ARHGAP5: variants seen among roughly 807,000 people sequenced by gnomAD.
ARHGAP5 encodes the protein Rho GTPase activating protein 5.
ARHGAP5 carries 23 observed loss-of-function variants against 116.6 expected under a neutral mutation model. That is an observed-to-expected ratio of 0.20 (90% CI 0.14 to 0.28). The LOEUF is 0.28. ARHGAP5 is among the 10% of genes least tolerant of loss of function. The pLI is 1.00. For synonymous variants in ARHGAP5, 574 were observed against 602.0 expected, an observed-to-expected ratio of 0.95 and a Z score of 0.68; for missense variants, 1,405 against 1,774.8, an observed-to-expected ratio of 0.79 and a Z score of 3.74.
chr14:32,093,665 A>G lies in ARHGAP5; in HGVS notation c.2996A>G (p.Gln999Arg). 6.2e-7 allele frequency: 1 copy of G among 1,614,026 alleles called. No homozygotes were observed. The highest frequency in any genetic ancestry group is 8.5e-7 in the Non-Finnish European group (1 of 1,179,922). ...TATAGTCCAATTGGGGATGATGTAC[A>G]GTTGCTTCCAACACCTAGTGACCGT... is the stretch of plus-strand genomic sequence containing the variant. ...PPYSPIGDDV[Q>R]LLPTPSDRSR... The change falls in exon 2 of 7, where the codon CAG becomes CGG. Residue 999 changes from glutamine to arginine, a missense_variant. Gln to Arg is a conservative substitution (Grantham distance 43). Coordinates refer to ENST00000345122, the MANE Select transcript of ARHGAP5 (RefSeq NM_001030055.2).
chr14:32,128,141 C>T (rs1432931025), intron 3 of ARHGAP5, among the ~76,000 whole-genome samples: 16 of 149,636 alleles, frequency 1.1e-4, no homozygotes, highest in East Asian at 6.1e-4. Flanking sequence ...CAGGCAGAGA[C>T]GCTTCTCACT....
chr14:32,112,643 C>T (rs1254249486), intron 2 of ARHGAP5, among the ~76,000 whole-genome samples: 1 of 152,100 alleles, frequency 6.6e-6, no homozygotes, highest in East Asian at 1.9e-4. Flanking sequence ...GAGGCCAAGG[C>T]GGGCAGATTA....
intron 2 of ARHGAP5, among the ~76,000 whole-genome samples, chr14:32,115,129 A>G (rs965143305): frequency 1.3e-5 from 2 of 152,228 alleles, no homozygotes; most frequent in African/African-American, 4.8e-5. Context: ...GGATGTGCAC[A>G]GTAGAGTCAT....
chr14:32,114,576 C>T lies in ARHGAP5; in HGVS notation c.3718-2564C>T, dbSNP rs576882907. ...CCAGAAACAGACACTCCAATGCCCC[C>T]TTGATAACATTCCAGACACCTAGTT... On this transcript the variant is annotated intron_variant, in intron 2 of 6. Transcript: ENST00000345122. Among the ~76,000 whole-genome samples the T allele has an allele frequency of 5.9e-5, 9 of 152,286 alleles. No homozygotes were observed. In the South Asian group the frequency reaches 1.9e-3, roughly 32 times the overall value.
chr14:32,091,195 C>A lies in ARHGAP5; in HGVS notation c.526C>A (p.Gln176Lys). The change falls in exon 2 of 7, where the codon CAA becomes AAA. Residue 176 changes from glutamine (Q) to lysine (K), a missense_variant. Around this residue, in one of 6 missense-constraint regions of ARHGAP5, gnomAD observed 190 missense variants for 314.9 expected, o/e 0.60. Coordinates refer to ENST00000345122, the MANE Select transcript of ARHGAP5 (RefSeq NM_001030055.2). Reference sequence around the variant, plus strand: ...AGGATGCAATAGGAAGTTTGATGATCAACTTAAATTTGTGAATAACCTTTT... The same window carrying A: ...AGGATGCAATAGGAAGTTTGATGATAAACTTAAATTTGTGAATAACCTTTT... Reference protein sequence around the residue: ...SQGCNRKFDDQLKFVNNLFVQ... With the variant: ...SQGCNRKFDDKLKFVNNLFVQ... 1.9e-6 allele frequency: 3 copies of A among 1,613,188 alleles called. No homozygotes were observed. In the South Asian group the frequency reaches 3.3e-5, roughly 18 times the overall value.
chr14:32,083,744 G>T (rs1212886611), intron 1 of ARHGAP5, among the ~76,000 whole-genome samples: 1 of 152,076 alleles, frequency 6.6e-6, no homozygotes, highest in African/African-American at 2.4e-5. Flanking sequence ...TTGTTTGTAT[G>T]ATGAAAATGA....
chr14:32,121,412 A>G (rs1428768362), intron 3 of ARHGAP5, among the ~76,000 whole-genome samples: 1 of 152,188 alleles, frequency 6.6e-6, no homozygotes, highest in Non-Finnish European at 1.5e-5. Context: ...TTCAAGTGAT[A>G]TACCACTTTA....
chr14:32,084,512 CT>C (rs1156372147), intron 1 of ARHGAP5, among the ~76,000 whole-genome samples: 3 of 152,140 alleles, frequency 2.0e-5, no homozygotes, highest in Non-Finnish European at 4.4e-5. Context: ...GCTGATTATT[CT>C]TAGTCTGGAG....
At chr14:32,149,773 C>CAAA in intron 4 of ARHGAP5, 129 bp from the exon 5 acceptor site, 3 of 400,224 alleles carry the variant, frequency 7.5e-6, no homozygotes, top group East Asian at 5.4e-5. Flanking sequence ...AACTCAGTCT[C>CAAA]AAAAAAAAAA....
At chr14:32,132,143 C>T (rs1880534940) in intron 3 of ARHGAP5, among the ~76,000 whole-genome samples, 1 of 152,108 alleles carries the variant, frequency 6.6e-6, no homozygotes, top group Non-Finnish European at 1.5e-5. Context: ...AGTTCTAGAT[C>T]CCTGAGGAAT....
At chr14:32,120,822 G>C (rs1879847966) in intron 3 of ARHGAP5, among the ~76,000 whole-genome samples, 1 of 151,872 alleles carries the variant, frequency 6.6e-6, no homozygotes, top group South Asian at 2.1e-4. Context: ...CAAATTCTTT[G>C]AGTGTGTTGG....
intron 3 of ARHGAP5, among the ~76,000 whole-genome samples, chr14:32,125,038 C>T (rs1045100087): frequency 6.6e-6 from 1 of 152,110 alleles, no homozygotes; most frequent in Non-Finnish European, 1.5e-5. Context: ...TAAAACTAAC[C>T]ATTTTGAAAT....
At position 32,117,180 on chromosome 14, in the gene ARHGAP5, G is replaced by C; in HGVS notation, c.3758G>C (p.Arg1253Thr). ...AAGAACTTCAATCCACCAACACGTAGAAATTGGGAAAGTAATTACTTTGGG... is the reference window on the plus strand; with the variant it reads ...AAGAACTTCAATCCACCAACACGTACAAATTGGGAAAGTAATTACTTTGGG... ...KTKNFNPPTR[R>T]NWESNYFGMP... The change falls in exon 3 of 7, where the codon AGA (arginine) becomes ACA (threonine). Residue 1253 changes from arginine to threonine, a missense_variant. This residue lies in a region of ARHGAP5 where 176 missense variants were observed against 221.2 expected (regional missense o/e 0.80). Coordinates refer to ENST00000345122, the MANE Select transcript of ARHGAP5 (RefSeq NM_001030055.2). 1 of 1,611,716 alleles carries C rather than the reference G, an allele frequency of 6.2e-7. No homozygotes were observed. Among genetic ancestry groups the C allele is most frequent in the Non-Finnish European group, 8.5e-7 (1 of 1,178,728 alleles).
At chr14:32,127,768 C>G (rs2139093875) in intron 3 of ARHGAP5, among the ~76,000 whole-genome samples, 1 of 149,950 alleles carries the variant, frequency 6.7e-6, no homozygotes, top group South Asian at 2.1e-4. Context: ...GGGGCCTCCC[C>G]ACCCCCGAGA....
Position 32,092,484 on chromosome 14 carries a change from C to G in ARHGAP5, c.1815C>G (p.Gly605=), listed in dbSNP as rs756779899. 1.1e-5 allele frequency: 17 copies of G among 1,613,768 alleles called. No homozygotes were observed. The highest frequency in any genetic ancestry group is 3.3e-4 in the Middle Eastern group (2 of 6,084). The stretch of plus-strand genomic sequence containing the variant: ...ACCTTTTTATTTTAGGGAAGGATGG[C>G]CTTGCCCAAGAACTAGCAAATGAGA... The part of the protein sequence containing the change: ...KVNLFILGKD[G]LAQELANEIR... The change falls in exon 2 of 7, where the codon GGC becomes GGG. Residue 605 remains glycine (G), a synonymous_variant. Coordinates refer to ENST00000345122, the MANE Select transcript of ARHGAP5 (RefSeq NM_001030055.2). This position sits in a 1 kb window ranked among gnomAD's most constrained non-coding sequence, Gnocchi z 4.1.
chr14:32,118,990 C>T (rs1456354771), intron 3 of ARHGAP5, among the ~76,000 whole-genome samples: 1 of 152,024 alleles, frequency 6.6e-6, no homozygotes, highest in Admixed American at 6.6e-5. Flanking sequence ...CTTAAAACAA[C>T]TTGAATTAGT....
rs112482513 is a variant in ARHGAP5 at position 32,127,775 on chromosome 14, G to A, written c.3865+10488G>A. Among the ~76,000 whole-genome samples, 161 of 144,762 alleles carry A rather than the reference G, an allele frequency of 1.1e-3. 2 individuals carry two copies. The highest frequency in any genetic ancestry group is 3.8e-3 in the African/African-American group (150 of 39,152). The allele number at this position is 144,762 out of a possible 152,430, so 95.0% of individuals were successfully genotyped here. ...CAGGCAGAGGGGCCTCCCCACCCCC[G>A]AGACAGGGCGGCTGGAGGCGCCCCC... On this transcript the variant is annotated intron_variant, in intron 3 of 6. Coordinates refer to ENST00000345122, the MANE Select transcript of ARHGAP5 (RefSeq NM_001030055.2).
chr14:32,120,607 C>CTT (rs772226735), intron 3 of ARHGAP5, among the ~76,000 whole-genome samples: 3 of 137,402 alleles, frequency 2.2e-5, no homozygotes, highest in Non-Finnish European at 3.2e-5. Flanking sequence ...TTGTAATTTC[C>CTT]TTTTTTTTTT....
intron 3 of ARHGAP5, among the ~76,000 whole-genome samples, chr14:32,139,907 T>C (rs1388061828): frequency 6.6e-6 from 1 of 150,802 alleles, no homozygotes; most frequent in Admixed American, 6.6e-5. Context: ...TTTTTTTTTT[T>C]CTAAAAGAAA....
Sources: allele counts gnomAD v4.1 joint callset (sites outside exome capture counted in the v4.1 genomes callset), GRCh38; gene constraint gnomAD v4.1.1; regional missense constraint gnomAD v4.1.1; non-coding constraint Gnocchi (gnomAD v3.1); transcripts MANE v1.5; gene names NCBI Gene and HGNC (gene_info 2026-07-23, HGNC 2026-07-21).